PTPRD: variants seen among roughly 807,000 people sequenced by gnomAD.
PTPRD encodes the protein protein tyrosine phosphatase receptor type D.
Under a neutral mutation model 214.5 loss-of-function variants are expected in PTPRD, and 34 were observed. The observed-to-expected ratio is 0.16, with a 90% CI of 0.12 to 0.21. The LOEUF is 0.21. PTPRD is among the 10% of genes least tolerant of loss of function. The pLI is 1.00. For missense variants in PTPRD, 2,545 were observed against 2,398.7 expected (o/e 1.06, Z -1.27); for synonymous variants, 1,128 against 845.7 (o/e 1.33, Z -5.79).
At chr9:9,721,603 G>A (rs1371484262) in intron 7 of PTPRD, among the ~76,000 whole-genome samples, 4 of 151,976 alleles carry the variant, frequency 2.6e-5, no homozygotes, top group Non-Finnish European at 4.4e-5. Flanking sequence ...TGATGCTACG[G>A]GAGTTAAATG....
At chr9:9,169,116 C>T (rs2099909584) in intron 10 of PTPRD, among the ~76,000 whole-genome samples, 1 of 152,004 alleles carries the variant, frequency 6.6e-6, no homozygotes, top group Admixed American at 6.6e-5. Context: ...ATTGAACCTT[C>T]TCATCTTATC....
At chr9:8,927,779 C>A (rs1243815020) in intron 11 of PTPRD, among the ~76,000 whole-genome samples, 1 of 152,150 alleles carries the variant, frequency 6.6e-6, no homozygotes. Flanking sequence ...TGAGGAATTG[C>A]CACACTGACT....
At chr9:9,598,172 G>C (rs529838714) in intron 7 of PTPRD, among the ~76,000 whole-genome samples, 1 of 151,874 alleles carries the variant, frequency 6.6e-6, no homozygotes, top group Non-Finnish European at 1.5e-5. Flanking sequence ...ATGGCACAGA[G>C]GTACAAGAAT....
At chr9:10,190,386 GAAAAAAAA>G (rs66511711) in intron 3 of PTPRD, among the ~76,000 whole-genome samples, 2 of 50,156 alleles carry the variant, frequency 4.0e-5, no homozygotes, top group African/African-American at 7.2e-5. Context: ...TCTATCTCCA[GAAAAAAAA>G]AAAAAAAAAA....
intron 33 of PTPRD, among the ~76,000 whole-genome samples, chr9:8,452,612 T>A (rs926881756): frequency 6.6e-6 from 1 of 152,294 alleles, no homozygotes; most frequent in African/African-American, 2.4e-5. Context: ...TCTATTAAGA[T>A]TATAAAATGT....
At chr9:10,231,151 A>C (rs913154666) in intron 3 of PTPRD, among the ~76,000 whole-genome samples, 11 of 152,042 alleles carry the variant, frequency 7.2e-5, no homozygotes, top group African/African-American at 2.7e-4. Flanking sequence ...AACCAGAAGT[A>C]ACAGTTGACT....
chr9:10,238,456 G>A (rs2099636356), intron 3 of PTPRD, among the ~76,000 whole-genome samples: 8 of 151,658 alleles, frequency 5.3e-5, no homozygotes. Flanking sequence ...CCTTCTCCTT[G>A]TTCTTTGGAC....
At chr9:9,441,711 C>G (rs1430448483) in intron 8 of PTPRD, among the ~76,000 whole-genome samples, 1 of 151,966 alleles carries the variant, frequency 6.6e-6, no homozygotes, top group Non-Finnish European at 1.5e-5. Flanking sequence ...AAAAAAAAAT[C>G]CACTTTTCCA....
intron 12 of PTPRD, among the ~76,000 whole-genome samples, chr9:8,686,437 C>T (rs7048587): frequency 0.28 from 42,312 of 152,074 alleles, 6,622 homozygotes; most frequent in African/African-American, 0.42. Context: ...AGCCATGTCA[C>T]GAAGAATTAA....
intron 4 of PTPRD, among the ~76,000 whole-genome samples, chr9:9,957,866 A>C (rs12349928): frequency 0.04 from 6,054 of 152,148 alleles, 145 homozygotes; most frequent in Non-Finnish European, 0.059. Context: ...GAAGATTAGC[A>C]CTATAAGACA....
chr9:10,081,222 A>G (rs1052775536), intron 3 of PTPRD, among the ~76,000 whole-genome samples: 2 of 152,182 alleles, frequency 1.3e-5, no homozygotes, highest in Non-Finnish European at 2.9e-5. Context: ...AACTTTCAAA[A>G]TAATACTACT....
intron 4 of PTPRD, among the ~76,000 whole-genome samples, chr9:10,031,647 T>TATATATATATATATATATACACAC: frequency 1.1e-4 from 10 of 89,642 alleles, no homozygotes; most frequent in African/African-American, 7.3e-4. Flanking sequence ...TATATATATA[T>TATATATATATATATATATACACAC]ACACACACAC....
chr9:8,579,583 C>T (rs189114355), intron 14 of PTPRD, among the ~76,000 whole-genome samples: 2 of 152,250 alleles, frequency 1.3e-5, no homozygotes, highest in African/African-American at 4.8e-5. Context: ...AAAGAAGTCA[C>T]ATTCTAGGGG....
chr9:10,441,335 T>A (rs2098757056), intron 2 of PTPRD, among the ~76,000 whole-genome samples: 1 of 151,762 alleles, frequency 6.6e-6, no homozygotes, highest in Admixed American at 6.6e-5. Flanking sequence ...GGACTTCCTT[T>A]ACTCTTTCCT....
chr9:9,432,878 T>C (rs1256065935), intron 8 of PTPRD, among the ~76,000 whole-genome samples: 1 of 152,182 alleles, frequency 6.6e-6, no homozygotes, highest in Non-Finnish European at 1.5e-5. Context: ...AGTGGAGTTT[T>C]AGAGGGATCA....
At chr9:9,547,046 G>A (rs575638175) in intron 8 of PTPRD, among the ~76,000 whole-genome samples, 5 of 151,670 alleles carry the variant, frequency 3.3e-5, no homozygotes, top group African/African-American at 1.2e-4. Flanking sequence ...TGAAGAGAGG[G>A]TTCTCATGCT....
intron 8 of PTPRD, among the ~76,000 whole-genome samples, chr9:9,509,155 G>C (rs569570372): frequency 2.0e-5 from 3 of 151,588 alleles, no homozygotes; most frequent in South Asian, 2.1e-4. Context: ...AATACATGGA[G>C]GAAAAGCCAT....
intron 3 of PTPRD, among the ~76,000 whole-genome samples, chr9:10,242,991 G>C (rs1051686263): frequency 6.6e-6 from 1 of 151,772 alleles, no homozygotes; most frequent in Non-Finnish European, 1.5e-5. Flanking sequence ...TTTCAAAAAT[G>C]AAAAGTTTTA....
At chr9:9,712,534 C>T (rs1444503817) in intron 7 of PTPRD, among the ~76,000 whole-genome samples, 1 of 152,150 alleles carries the variant, frequency 6.6e-6, no homozygotes, top group African/African-American at 2.4e-5. Context: ...AGTAAAGGTT[C>T]CTTCCTCAGC....
Sources: allele counts gnomAD v4.1 joint callset (sites outside exome capture counted in the v4.1 genomes callset), GRCh38; gene constraint gnomAD v4.1.1; transcripts MANE v1.5; gene names NCBI Gene and HGNC (gene_info 2026-07-23, HGNC 2026-07-21).